MKRN1: variants seen among roughly 807,000 people sequenced by gnomAD.
MKRN1 encodes E3 ubiquitin-protein ligase makorin-1.
MKRN1 carries 9 observed loss-of-function variants against 55.5 expected under a neutral mutation model. The observed-to-expected ratio is 0.16, with a 90% CI of 0.10 to 0.28. MKRN1 has a LOEUF of 0.28. MKRN1 is among the 10% of genes least tolerant of loss of function. MKRN1 has a pLI of 1.00. For missense variants in MKRN1, 488 were observed against 626.7 expected, an observed-to-expected ratio of 0.78 and a Z score of 2.36; for synonymous variants, 253 against 235.9, an observed-to-expected ratio of 1.07 and a Z score of -0.66.
At chr7:140,472,750 T>TA (rs1794970792) in intron 1 of MKRN1, among the ~76,000 whole-genome samples, 1 of 143,314 alleles carries the variant, frequency 7.0e-6, no homozygotes, top group African/African-American at 2.4e-5. Flanking sequence ...GGAGCACGAC[T>TA]ATGACTCTGT....
intron 2 of MKRN1, among the ~76,000 whole-genome samples, chr7:140,468,158 TCA>T (rs1021758760): frequency 3.7e-4 from 56 of 152,198 alleles, no homozygotes; most frequent in Admixed American, 1.4e-3. Flanking sequence ...TGATTCTATC[TCA>T]CAGTCTATTC....
intron 2 of MKRN1, among the ~76,000 whole-genome samples, chr7:140,462,574 T>C (rs1000812028): frequency 5.9e-5 from 9 of 152,156 alleles, no homozygotes; most frequent in Non-Finnish European, 1.2e-4. Flanking sequence ...ACATTCATAT[T>C]CTAGCACTCT....
chr7:140,476,868 T>A (rs982391887), intron 1 of MKRN1, among the ~76,000 whole-genome samples: 1 of 151,864 alleles, frequency 6.6e-6, no homozygotes, highest in African/African-American at 2.4e-5. Flanking sequence ...TCACCTGAGG[T>A]CGGGAGTTCA....
chr7:140,479,251 G>C lies in MKRN1; in HGVS notation c.94C>G (p.Pro32Ala), dbSNP rs773972832. The change falls in exon 1 of 8, where the codon CCC (proline) becomes GCC (alanine). Residue 32 changes from proline (P) to alanine (A), a missense_variant. Physicochemically the swap from Pro to Ala is conservative, Grantham distance 27 (BLOSUM62 -1). This residue lies in a region of MKRN1 where 210 missense variants were observed against 220.0 expected (regional missense o/e 0.95). Transcript: ENST00000255977. Reference protein sequence around the residue: ...TAAAASPTPIPTVTAPSLGAG... With the variant: ...TAAAASPTPIATVTAPSLGAG... ...CCCAGGGACGGGGCGGTGACTGTGG[G>C]GATCGGGGTGGGGGAGGCTGCTGCC... 7.0e-7 allele frequency: 1 copy of C among 1,421,090 alleles called. No homozygotes were observed. Among genetic ancestry groups the C allele is most frequent in the Admixed American group, 3.4e-5 (1 of 29,614 alleles). The allele number at this position is 1,421,090 out of a possible 1,614,324, so 88.0% of individuals were successfully genotyped here.
rs192819185 is a variant in MKRN1 at position 140,462,768 on chromosome 7, T to A, written c.315-2832A>T. ...TCACGAGGTCAGGAGATCGAGACCA[T>A]CCTGGCTAACACGGTGAAACCCCGT... On this transcript the variant is annotated intron_variant, in intron 2 of 7. Coordinates refer to ENST00000255977, the MANE Select transcript of MKRN1 (RefSeq NM_013446.4). Among the ~76,000 whole-genome samples the A allele has an allele frequency of 1.5e-3, 231 of 151,656 alleles. 2 individuals carry two copies. The highest frequency in any genetic ancestry group is 5.2e-3 in the African/African-American group (214 of 41,326).
intron 2 of MKRN1, among the ~76,000 whole-genome samples, chr7:140,470,552 T>G (rs1272618262): frequency 6.6e-6 from 1 of 151,836 alleles, no homozygotes; most frequent in Non-Finnish European, 1.5e-5. Flanking sequence ...GCCACTGCAC[T>G]CCAGCCTGGG....
intron 2 of MKRN1, among the ~76,000 whole-genome samples, chr7:140,471,626 T>C (rs1376172652): frequency 1.3e-5 from 2 of 152,098 alleles, no homozygotes; most frequent in Admixed American, 6.6e-5. Context: ...CACACCACCA[T>C]GCCCAGCTAA....
intron 3 of MKRN1, 96 bp downstream of exon 3, chr7:140,459,611 G>A (rs564152079): frequency 3.3e-6 from 4 of 1,205,208 alleles, no homozygotes; most frequent in South Asian, 2.7e-5. Context: ...ACTAAAAAAG[G>A]AATAGAAGCA....
intron 2 of MKRN1, among the ~76,000 whole-genome samples, chr7:140,462,921 G>C (rs569064342): frequency 6.6e-6 from 1 of 151,958 alleles, no homozygotes; most frequent in Non-Finnish European, 1.5e-5. Flanking sequence ...AGCCAAGAAC[G>C]CACCACTGCA....
intron 1 of MKRN1, among the ~76,000 whole-genome samples, chr7:140,474,004 A>AG (rs1439113885): frequency 1.1e-3 from 104 of 93,580 alleles, no homozygotes; most frequent in Middle Eastern, 0.011. Flanking sequence ...AAAAAAAAAA[A>AG]AAAAGAAAGA....
Position 140,459,691 on chromosome 7 carries a change from T to G in MKRN1, c.544+16A>C. On this transcript the variant is annotated intron_variant, in intron 3 of 7. Coordinates refer to ENST00000255977, the MANE Select transcript of MKRN1 (RefSeq NM_013446.4). ...TCCAGCCCTCTAACTCTTATTTTCT[T>G]CTTCAGAATACTTACTACGGCCACA... 1 of 1,608,986 alleles carries G rather than the reference T, an allele frequency of 6.2e-7. No homozygotes were observed. The highest frequency in any genetic ancestry group is 8.5e-7 in the Non-Finnish European group (1 of 1,175,432).
rs1794423317 is a variant in MKRN1 at position 140,454,862 on chromosome 7, C to CA, written c.1237-134dup. On this transcript the variant is annotated intron_variant, in intron 7 of 7. Transcript: ENST00000255977. ...CTTCTTAGTTAGGGTTTCCATTTAC[C>CA]ACTTCCTCCCCTCTGGTTACTTCAT... is the stretch of plus-strand genomic sequence containing the variant. The CA allele has an allele frequency of 1.8e-5, 19 of 1,068,002 alleles. No homozygotes were observed. The South Asian group carries it at 2.7e-4, about 15-fold the overall frequency. The allele number at this position is 1,068,002 out of a possible 1,614,324, so 66.2% of individuals were successfully genotyped here.
At chr7:140,469,436 C>G (rs1397615363) in intron 2 of MKRN1, among the ~76,000 whole-genome samples, 1 of 152,300 alleles carries the variant, frequency 6.6e-6, no homozygotes, top group African/African-American at 2.4e-5. Flanking sequence ...GAGCCCAATC[C>G]TCTCCCTTTA....
intron 1 of MKRN1, chr7:140,473,181 GTA>G: frequency 2.4e-6 from 1 of 416,052 alleles, no homozygotes; most frequent in Non-Finnish European, 4.6e-6. Context: ...ATGAATATAA[GTA>G]TATGTCTTGT....
chr7:140,468,788 T>C (rs1229306044), intron 2 of MKRN1, among the ~76,000 whole-genome samples: 1 of 142,760 alleles, frequency 7.0e-6, no homozygotes, highest in African/African-American at 2.6e-5. Flanking sequence ...TTTTCAGCAA[T>C]AATGCAATGA....
rs1794941213 is a variant in MKRN1, at chr7:140,471,973, C to G, written c.224G>C (p.Cys75Ser). The part of the protein sequence containing the change: ...MHGVCKEGDN[C>S]RYSHDLSDSP... ...GTCAGAGAGGTCATGCGAGTAGCGA[C>G]AGTTGTCTCCTTCCTTACAAACCCC... The change falls in exon 2 of 8, where the codon TGT becomes TCT. Residue 75 changes from cysteine (C) to serine (S), a missense_variant. Transcript: ENST00000255977. 1 of 1,614,038 alleles carries G rather than the reference C, an allele frequency of 6.2e-7. No homozygotes were observed. The highest frequency in any genetic ancestry group is 1.7e-5 in the Admixed American group (1 of 59,996).
At chr7:140,475,221 T>C in intron 1 of MKRN1, 1 of 441,866 alleles carries the variant, frequency 2.3e-6, no homozygotes. Context: ...CACGTGCCTG[T>C]AATCCCAGCT....
At chr7:140,476,153 C>A (rs1439420895) in intron 1 of MKRN1, among the ~76,000 whole-genome samples, 1 of 152,096 alleles carries the variant, frequency 6.6e-6, no homozygotes, top group African/African-American at 2.4e-5. Context: ...AGCACAAACA[C>A]TAAAACACAC....
chr7:140,456,521 C>T, intron 5 of MKRN1, 131 bp downstream of exon 5: 1 of 1,463,602 alleles, frequency 6.8e-7, no homozygotes, highest in Non-Finnish European at 9.0e-7. Context: ...AAGAAATCCC[C>T]ATTAGAATAT....
Sources: gnomAD v4.1 joint callset for allele counts (sites outside exome capture counted in the v4.1 genomes callset) on GRCh38, gnomAD v4.1.1 for gene constraint, gnomAD v4.1.1 regional missense constraint, MANE v1.5 for transcripts, NCBI Gene and HGNC (gene_info 2026-07-23, HGNC 2026-07-21) for gene names.